The following DSE variants were observed in gnomAD, a reference collection of about 807,000 sequenced individuals.
The protein encoded by DSE is dermatan sulfate epimerase.
A neutral mutation model predicts 84.4 loss-of-function variants in DSE; 36 were observed. The observed-to-expected ratio is 0.43, with a 90% CI of 0.33 to 0.56. DSE has a LOEUF of 0.56. Ranked by LOEUF, DSE falls within the 20% of genes least tolerant of loss-of-function variation. The pLI is 0.06. For missense variants in DSE, 862 were observed against 1,169.6 expected (o/e 0.74, Z 3.84); for synonymous variants, 410 against 430.1 (o/e 0.95, Z 0.58).
At chr6:116,414,745 A>T (rs1202469667) in intron 2 of DSE, among the ~76,000 whole-genome samples, 1 of 152,202 alleles carries the variant, frequency 6.6e-6, no homozygotes, top group African/African-American at 2.4e-5. Flanking sequence ...AAAGTTATTG[A>T]CAACTGAACT....
chr6:116,367,738 A>T (rs949654574), upstream of DSE, among the ~76,000 whole-genome samples: 16 of 152,222 alleles, frequency 1.1e-4, no homozygotes, highest in African/African-American at 3.9e-4. Flanking sequence ...AAGATAGGTG[A>T]AGAAGCTTGT....
Position 116,396,238 on chromosome 6 carries a change from T to C in DSE, c.-53-2960T>C, listed in dbSNP as rs542433155. ...TACATAGAGGAAGAAGGTTCTCACCTTCTGTGAGGCATTGCATGTAAACAA... is the reference window on the plus strand; with the variant it reads ...TACATAGAGGAAGAAGGTTCTCACCCTCTGTGAGGCATTGCATGTAAACAA... On this transcript the variant is annotated intron_variant, in intron 1 of 5. Transcript: ENST00000644252. Among the ~76,000 whole-genome samples the C allele has an allele frequency of 4.6e-5, 7 of 152,306 alleles. No homozygotes were observed. The South Asian group carries it at 1.4e-3, about 32-fold the overall frequency.
chr6:116,357,531 CAAA>C (rs1221843851), intron 2 of DSE, among the ~76,000 whole-genome samples: 1 of 129,380 alleles, frequency 7.7e-6, no homozygotes, highest in African/African-American at 2.8e-5. Context: ...GACTCCATCT[CAAA>C]AAAAAAAAAA....
intron 2 of DSE, among the ~76,000 whole-genome samples, chr6:116,338,957 C>T (rs1777428392): frequency 6.6e-6 from 1 of 152,186 alleles, no homozygotes; most frequent in African/African-American, 2.4e-5. Context: ...CAAACAGTGT[C>T]CCAGAAATGT....
intron 2 of DSE, among the ~76,000 whole-genome samples, chr6:116,328,597 G>A (rs1247161206): frequency 6.6e-6 from 1 of 152,162 alleles, no homozygotes; most frequent in Non-Finnish European, 1.5e-5. Context: ...TCCACTGCCA[G>A]TATCAGCAGA....
chr6:116,436,831 A>T lies in DSE; in HGVS notation c.2363A>T (p.Glu788Val). The part of the protein sequence containing the change: ...LRFSDKRQTE[E>V]AIDRIFAISQ... Reference sequence around the variant, plus strand: ...TTTTCAGATAAGAGACAGACTGAGGAGGCCATTGACAGGATTTTTGCCATA... The same window carrying T: ...TTTTCAGATAAGAGACAGACTGAGGTGGCCATTGACAGGATTTTTGCCATA... The change falls in exon 6 of 6, where the codon GAG becomes GTG. Residue 788 changes from glutamate (E) to valine (V), a missense_variant. By Grantham distance (121) the Glu-to-Val change is moderately radical. Around this residue, in one of 4 missense-constraint regions of DSE, gnomAD observed 315 missense variants for 348.1 expected, o/e 0.90. Coordinates refer to ENST00000644252, the MANE Select transcript of DSE (RefSeq NM_013352.4). The T allele has an allele frequency of 6.2e-7, 1 of 1,614,176 alleles. No homozygotes were observed. Among genetic ancestry groups the T allele is most frequent in the Non-Finnish European group, 8.5e-7 (1 of 1,180,018 alleles).
intron 1 of DSE, among the ~76,000 whole-genome samples, chr6:116,386,745 T>C (rs540830197): frequency 3.3e-5 from 5 of 152,296 alleles, no homozygotes; most frequent in Admixed American, 6.5e-5. Context: ...AAAACCTCTT[T>C]ATCAGGCAGA....
intron 2 of DSE, among the ~76,000 whole-genome samples, chr6:116,283,202 A>G (rs1257042275): frequency 1.3e-5 from 2 of 152,224 alleles, no homozygotes; most frequent in African/African-American, 4.8e-5. Context: ...ATAAAAGAGG[A>G]AACAGTAACA....
chr6:116,411,413 G>A (rs1423137520), intron 2 of DSE, among the ~76,000 whole-genome samples: 2 of 152,222 alleles, frequency 1.3e-5, no homozygotes, highest in Non-Finnish European at 2.9e-5. Flanking sequence ...TGGAGCTGAA[G>A]CCAAAGAAAC....
At chr6:116,429,371 G>A (rs1053419618) in intron 3 of DSE, among the ~76,000 whole-genome samples, 1 of 152,156 alleles carries the variant, frequency 6.6e-6, no homozygotes, top group Admixed American at 6.5e-5. Flanking sequence ...CACATAGTAG[G>A]CCATGGTAGC....
intron 2 of DSE, among the ~76,000 whole-genome samples, chr6:116,340,834 C>A (rs1019304935): frequency 6.6e-6 from 1 of 152,142 alleles, no homozygotes; most frequent in African/African-American, 2.4e-5. Flanking sequence ...TTTTTTATGG[C>A]TGCATAGTAT....
At chr6:116,262,624 C>T (rs1772460653) in intron 2 of DSE, among the ~76,000 whole-genome samples, 1 of 152,056 alleles carries the variant, frequency 6.6e-6, no homozygotes, top group African/African-American at 2.4e-5. Context: ...CAGTTCAGCC[C>T]TGATTTGGTT....
intron 3 of DSE, among the ~76,000 whole-genome samples, chr6:116,429,769 A>AT: frequency 3.3e-5 from 1 of 30,650 alleles, no homozygotes; most frequent in Non-Finnish European, 6.6e-5. Flanking sequence ...TAACACGGTG[A>AT]AACCCCGTCT....
chr6:116,316,007 C>A (rs1454493435), intron 2 of DSE, among the ~76,000 whole-genome samples: 2 of 151,878 alleles, frequency 1.3e-5, no homozygotes, highest in Non-Finnish European at 2.9e-5. Context: ...ACTACAGATG[C>A]CTGCTGCTTC....
intron 1 of DSE, among the ~76,000 whole-genome samples, chr6:116,395,153 C>T (rs1195865556): frequency 1.3e-5 from 2 of 152,184 alleles, no homozygotes; most frequent in Non-Finnish European, 1.5e-5. Context: ...TGGCTGGGCG[C>T]GGTGGCGCAC....
chr6:116,353,457 G>GA (rs1239571180), intron 2 of DSE, among the ~76,000 whole-genome samples: 1 of 152,108 alleles, frequency 6.6e-6, no homozygotes, highest in Non-Finnish European at 1.5e-5. Flanking sequence ...TTAATTTCCA[G>GA]AAAAATCTTA....
intron 2 of DSE, among the ~76,000 whole-genome samples, chr6:116,407,273 G>A (rs1205958081): frequency 2.6e-5 from 4 of 152,160 alleles, no homozygotes; most frequent in African/African-American, 9.7e-5. Flanking sequence ...GATGGCCCTG[G>A]GTGACTGGTT....
At chr6:116,272,637 T>A (rs1772934218) in intron 2 of DSE, among the ~76,000 whole-genome samples, 1 of 152,156 alleles carries the variant, frequency 6.6e-6, no homozygotes. Context: ...TTCCCTAACT[T>A]AAGGAGTTCA....
At chr6:116,390,823 A>C (rs1347992335) in intron 1 of DSE, among the ~76,000 whole-genome samples, 1 of 152,194 alleles carries the variant, frequency 6.6e-6, no homozygotes. Flanking sequence ...GTACACTCGT[A>C]TCTCTACCCT....
Sources: allele counts gnomAD v4.1 joint callset (sites outside exome capture counted in the v4.1 genomes callset), GRCh38; gene constraint gnomAD v4.1.1; regional missense constraint gnomAD v4.1.1; transcripts MANE v1.5; gene names NCBI Gene and HGNC (gene_info 2026-07-23, HGNC 2026-07-21).